Variants in KITLG observed in about 807,000 individuals in gnomAD.
KITLG encodes the protein KIT ligand, also known as c-Kit ligand.
In KITLG, 13 loss-of-function variants were observed where a neutral mutation model predicts 34.1. The observed-to-expected ratio is 0.38, with a 90% CI of 0.25 to 0.61. The LOEUF is 0.61. Ranked by LOEUF, KITLG falls within the 20% of genes least tolerant of loss-of-function variation. KITLG has a pLI of 0.60. For missense variants in KITLG, 292 were observed against 318.9 expected (o/e 0.92, Z 0.64); for synonymous variants, 110 against 104.0 (o/e 1.06, Z -0.35).
At chr12:88,552,176 A>ATTT (rs200666559) in intron 1 of KITLG, among the ~76,000 whole-genome samples, 6 of 137,308 alleles carry the variant, frequency 4.4e-5, no homozygotes, top group African/African-American at 1.1e-4. Context: ...AATTATGATA[A>ATTT]TTTTTTTTTT....
Position 88,545,638 on chromosome 12 carries a change from A to G in KITLG, c.129+114T>C, listed in dbSNP as rs1870694057. ...TTGTAACCCAGTGATTACTTTCCCC[A>G]CTTTAGGAAAACATTACTTTGGGGC... On this transcript the variant is annotated intron_variant, in intron 2 of 9. Transcript: ENST00000644744. 1.4e-5 allele frequency: 9 copies of G among 642,676 alleles called. 1 individual carries two copies. Among genetic ancestry groups the G allele is most frequent in the Non-Finnish European group, 2.5e-5 (9 of 364,456 alleles). 39.8% of individuals were successfully genotyped at this position (642,676 alleles called of 1,614,324 possible).
chr12:88,523,827 T>G (rs1297721390), intron 3 of KITLG, among the ~76,000 whole-genome samples: 1 of 152,222 alleles, frequency 6.6e-6, no homozygotes, highest in Non-Finnish European at 1.5e-5. Flanking sequence ...AAACAATTAA[T>G]TTGGGTCTTC....
chr12:88,500,971 G>A (rs767204027), intron 9 of KITLG, among the ~76,000 whole-genome samples: 24 of 151,924 alleles, frequency 1.6e-4, no homozygotes, highest in Non-Finnish European at 2.6e-4. Flanking sequence ...GTAGAGATGG[G>A]GTCTTCCTAT....
At chr12:88,508,568 T>C (rs1278206879) in intron 6 of KITLG, among the ~76,000 whole-genome samples, 2 of 151,858 alleles carry the variant, frequency 1.3e-5, no homozygotes, top group Non-Finnish European at 2.9e-5. Context: ...TGTGTGTGTG[T>C]GTGTGTGTGT....
chr12:88,569,216 A>G (rs1871560267), intron 1 of KITLG, among the ~76,000 whole-genome samples: 1 of 152,132 alleles, frequency 6.6e-6, no homozygotes, highest in South Asian at 2.1e-4. Context: ...GCCACCACAT[A>G]TTGGTGCCGC....
At chr12:88,578,600 C>T (rs1426373138) in intron 1 of KITLG, among the ~76,000 whole-genome samples, 1 of 152,166 alleles carries the variant, frequency 6.6e-6, no homozygotes. Flanking sequence ...ATTTGTTTTG[C>T]AAAGCAAGGG....
chr12:88,572,407 AT>A (rs1274865926), intron 1 of KITLG, among the ~76,000 whole-genome samples: 2 of 151,282 alleles, frequency 1.3e-5, no homozygotes, highest in South Asian at 2.1e-4. Context: ...GCCTAAATAC[AT>A]TTTTTTCTTA....
rs137960246 is a variant in KITLG at position 88,508,025 on chromosome 12, A to G, written c.605-888T>C. 1.3e-4 allele frequency among the ~76,000 whole-genome samples: 20 copies of G among 152,206 alleles called. No homozygotes were observed. The East Asian group carries it at 3.7e-3, about 28-fold the overall frequency. On this transcript the variant is annotated intron_variant, in intron 6 of 9. Transcript: ENST00000644744. ...AACACGGTAAAACCCCGTCTCTACT[A>G]AAAATACAAAAATTAGCTGGGTGTG...
intron 1 of KITLG, among the ~76,000 whole-genome samples, chr12:88,564,662 T>C (rs1871389020): frequency 6.6e-6 from 1 of 152,000 alleles, no homozygotes; most frequent in South Asian, 2.1e-4. Flanking sequence ...GATATAATTA[T>C]ATAAAACTGG....
chr12:88,566,822 G>A (rs924475729), intron 1 of KITLG, among the ~76,000 whole-genome samples: 2 of 152,112 alleles, frequency 1.3e-5, no homozygotes, highest in Non-Finnish European at 2.9e-5. Flanking sequence ...TCTAGATTGT[G>A]TGCATTAGAA....
At chr12:88,503,483 G>A (rs1208294138) in intron 9 of KITLG, among the ~76,000 whole-genome samples, 1 of 152,182 alleles carries the variant, frequency 6.6e-6, no homozygotes, top group Non-Finnish European at 1.5e-5. Flanking sequence ...GAATTTGAAA[G>A]AGGAGAGAAT....
intron 1 of KITLG, among the ~76,000 whole-genome samples, chr12:88,546,501 C>G (rs1870725220): frequency 6.6e-6 from 1 of 152,200 alleles, no homozygotes; most frequent in East Asian, 1.9e-4. Flanking sequence ...CTCTCTCTCT[C>G]TCGAACACAC....
In KITLG at chr12:88,508,984, T is replaced by TA. The variant is rs559244455; in HGVS notation, c.605-1848_605-1847insT. Among the ~76,000 whole-genome samples, 22 of 152,312 alleles carry TA rather than the reference T, an allele frequency of 1.4e-4. No homozygotes were observed. In the South Asian group the frequency reaches 4.6e-3, roughly 32 times the overall value. ...TTTGAGGAATTTTAATAATACTGTT[T>TA]GTAAATAAATCATTTGGCTGTTTTG... On this transcript the variant is annotated intron_variant, in intron 6 of 9. Coordinates refer to ENST00000644744, the MANE Select transcript of KITLG (RefSeq NM_000899.5).
chr12:88,552,217 C>A (rs1269126936), intron 1 of KITLG, among the ~76,000 whole-genome samples: 1 of 148,256 alleles, frequency 6.7e-6, no homozygotes, highest in Non-Finnish European at 1.5e-5. Context: ...CTCTGTTGCT[C>A]AGGCTGGGAT....
chr12:88,518,152 A>T (rs1869519667), intron 4 of KITLG, among the ~76,000 whole-genome samples: 1 of 152,122 alleles, frequency 6.6e-6, no homozygotes, highest in African/African-American at 2.4e-5. Context: ...CGCTCACAGA[A>T]CTCATTAGCG....
At chr12:88,519,954 G>A (rs1869597911) in intron 3 of KITLG, among the ~76,000 whole-genome samples, 1 of 152,074 alleles carries the variant, frequency 6.6e-6, no homozygotes, top group African/African-American at 2.4e-5. Context: ...AAGTATAGAA[G>A]GGACCACTTT....
At chr12:88,564,936 G>A (rs1871398268) in intron 1 of KITLG, among the ~76,000 whole-genome samples, 1 of 152,126 alleles carries the variant, frequency 6.6e-6, no homozygotes, top group Admixed American at 6.5e-5. Flanking sequence ...TAAGATGATG[G>A]CTTCTAACCA....
Position 88,518,772 on chromosome 12 carries a change from A to G in KITLG, c.288T>C (p.Ser96=). 1.2e-6 allele frequency: 2 copies of G among 1,613,148 alleles called. No individual in the cohort carries two copies. The highest frequency in any genetic ancestry group is 1.7e-6 in the Non-Finnish European group (2 of 1,179,192). Residue 96 remains serine, a synonymous_variant, in exon 4 of 10, where the codon AGT becomes AGC. Coordinates refer to ENST00000644744, the MANE Select transcript of KITLG (RefSeq NM_000899.5). Reference sequence around the variant, plus strand: ...CAAGTTTGTCTATGATGGAATAATTACTCAAGCCTTCAGAAATATTTGAAA... The same window carrying G: ...CAAGTTTGTCTATGATGGAATAATTGCTCAAGCCTTCAGAAATATTTGAAA... ...DKFSNISEGL[S]NYSIIDKLVN...
chr12:88,507,853 T>G (rs1408977596), intron 6 of KITLG, among the ~76,000 whole-genome samples: 1 of 152,072 alleles, frequency 6.6e-6, no homozygotes, highest in Non-Finnish European at 1.5e-5. Flanking sequence ...TGGGACACCT[T>G]TCTTGATCCT....
Sources: gnomAD v4.1 joint callset for allele counts (sites outside exome capture counted in the v4.1 genomes callset) on GRCh38, gnomAD v4.1.1 for gene constraint, MANE v1.5 for transcripts, NCBI Gene and HGNC (gene_info 2026-07-23, HGNC 2026-07-21) for gene names.